The following NNT variants were observed in gnomAD, a reference collection of about 807,000 sequenced individuals.
NNT encodes NAD(P) transhydrogenase, mitochondrial.
A neutral mutation model predicts 104.8 loss-of-function variants in NNT; 50 were observed. That is an observed-to-expected ratio of 0.48 (90% confidence interval 0.38 to 0.60). NNT has a LOEUF of 0.60. Ranked by LOEUF, NNT falls within the 20% of genes least tolerant of loss-of-function variation. NNT has a pLI of 0.00. For synonymous variants in NNT, 461 were observed against 490.4 expected (o/e 0.94, Z 0.79); for missense variants, 1,131 against 1,330.7 (o/e 0.85, Z 2.33).
rs1178986143 is a variant in NNT at position 43,704,718 on chromosome 5, A to G, written c.*314A>G. 4.2e-6 allele frequency: 1 copy of G among 236,194 alleles called. No individual in the cohort carries two copies. The highest frequency in any genetic ancestry group is 8.3e-6 in the Non-Finnish European group (1 of 121,164). The allele number at this position is 236,194 out of a possible 1,614,324, so 14.6% of individuals were successfully genotyped here. A position where few individuals can be genotyped will look rare whatever the true frequency, so the allele number is the denominator to read the frequency against. On this transcript the variant is annotated 3_prime_UTR_variant, in exon 22 of 22. Coordinates refer to ENST00000344920, the MANE Select transcript of NNT (RefSeq NM_182977.3). ...CCTGTTGGATTTTTTATGCCTCCTC[A>G]GTAACCAGAAATGTTTTAAAAAACT...
At chr5:43,652,975 C>A in intron 13 of NNT, 43 bp from the exon 14 acceptor site, 1 of 1,510,936 alleles carries the variant, frequency 6.6e-7, no homozygotes, top group Non-Finnish European at 9.1e-7. Flanking sequence ...AGCTAATAGA[C>A]CAAAGGTTTT....
At chr5:43,658,076 A>C (rs1456568502) in intron 16 of NNT, among the ~76,000 whole-genome samples, 1 of 152,150 alleles carries the variant, frequency 6.6e-6, no homozygotes, top group Non-Finnish European at 1.5e-5. Context: ...CGGAGGTTGC[A>C]GTGAGCCGAG....
chr5:43,702,817 A>G lies in NNT; in HGVS notation c.3111+81A>G, dbSNP rs1742927632. 5 of 998,758 alleles carry G rather than the reference A, an allele frequency of 5.0e-6. No individual in the cohort carries two copies. The Admixed American group carries it at 7.0e-5, about 14-fold the overall frequency. 61.9% of individuals were successfully genotyped at this position (998,758 alleles called of 1,614,324 possible). A position where few individuals can be genotyped will look rare whatever the true frequency, so the allele number is the denominator to read the frequency against. On this transcript the variant is annotated intron_variant, in intron 21 of 21. Transcript: ENST00000344920. Reference sequence around the variant, plus strand: ...ACACAGAACTTTCTTTGATCATTTGATAAGAAATGATGATGCCTTCTAGGA... The same window carrying G: ...ACACAGAACTTTCTTTGATCATTTGGTAAGAAATGATGATGCCTTCTAGGA...
intron 20 of NNT, among the ~76,000 whole-genome samples, chr5:43,702,356 T>A (rs1304448086): frequency 6.6e-6 from 1 of 152,104 alleles, no homozygotes; most frequent in Non-Finnish European, 1.5e-5. Context: ...TTAGGTAGAT[T>A]TATTGAGAAG....
chr5:43,650,643 A>G, intron 12 of NNT, 56 bp downstream of exon 12: 3 of 1,258,604 alleles, frequency 2.4e-6, no homozygotes, highest in Non-Finnish European at 3.5e-6. Flanking sequence ...TACAAAGCAA[A>G]TATAAATCCA....
At chr5:43,677,661 G>A in intron 18 of NNT, 64 bp from the exon 19 acceptor site, 1 of 1,399,972 alleles carries the variant, frequency 7.1e-7, no homozygotes, top group Non-Finnish European at 1.0e-6. Context: ...CAAGAGAGAA[G>A]TTGTACTTCA....
At chr5:43,682,715 G>T (rs1741789024) in intron 19 of NNT, among the ~76,000 whole-genome samples, 1 of 152,122 alleles carries the variant, frequency 6.6e-6, no homozygotes, top group Non-Finnish European at 1.5e-5. Context: ...ACATTATTTA[G>T]CAGTTTCATG....
rs1179524170 is a variant in NNT at position 43,650,465 on chromosome 5, C to T, written c.1607-12C>T. 3 of 1,601,466 alleles carry T rather than the reference C, an allele frequency of 1.9e-6. No homozygotes were observed. Among genetic ancestry groups the T allele is most frequent in the Non-Finnish European group, 2.6e-6 (3 of 1,168,658 alleles). On this transcript the variant is annotated splice_polypyrimidine_tract_variant and intron_variant, in intron 11 of 21. Transcript: ENST00000344920. ...ACTATCACTATTAACCATGTTAATG[C>T]TTTCTTTCTAGGGCTGACTGCAGTT...
intron 12 of NNT, 69 bp downstream of exon 12, chr5:43,650,656 T>TA: frequency 8.5e-7 from 1 of 1,170,526 alleles, no homozygotes; most frequent in Non-Finnish European, 1.3e-6. Context: ...TAAATCCATA[T>TA]AAAATAGACA....
At chr5:43,636,512 C>T (rs188935371) in intron 7 of NNT, among the ~76,000 whole-genome samples, 66 of 152,200 alleles carry the variant, frequency 4.3e-4, no homozygotes, top group African/African-American at 1.3e-3. Flanking sequence ...AGTTGAAAGA[C>T]GTGAGAAAGA....
chr5:43,658,243 T>C (rs1304078709), intron 16 of NNT, among the ~76,000 whole-genome samples: 1 of 152,246 alleles, frequency 6.6e-6, no homozygotes, highest in African/African-American at 2.4e-5. Context: ...TATGAGAATG[T>C]CTGACTAAGA....
intron 17 of NNT, among the ~76,000 whole-genome samples, chr5:43,663,370 T>G (rs1740472818): frequency 6.6e-6 from 1 of 152,192 alleles, no homozygotes; most frequent in South Asian, 2.1e-4. Flanking sequence ...AGCTCTTACT[T>G]GTGATGTGCA....
chr5:43,646,963 T>C (rs141815417), intron 10 of NNT, among the ~76,000 whole-genome samples: 2 of 152,334 alleles, frequency 1.3e-5, no homozygotes, highest in African/African-American at 4.8e-5. Context: ...GAGGCTGAAA[T>C]ACGGATATTT....
intron 19 of NNT, among the ~76,000 whole-genome samples, chr5:43,697,272 C>A (rs568500369): frequency 6.6e-6 from 1 of 152,244 alleles, no homozygotes; most frequent in East Asian, 1.9e-4. Context: ...GGTAAAATGC[C>A]GTCATTCTCT....
chr5:43,637,031 G>A (rs1220541290), intron 7 of NNT, among the ~76,000 whole-genome samples: 1 of 152,106 alleles, frequency 6.6e-6, no homozygotes, highest in South Asian at 2.1e-4. Flanking sequence ...CTATTTGCCA[G>A]CCTGACTTTC....
chr5:43,607,174 C>G (rs1749269060), intron 1 of NNT, among the ~76,000 whole-genome samples: 1 of 151,916 alleles, frequency 6.6e-6, no homozygotes, highest in African/African-American at 2.4e-5. Flanking sequence ...TGTCAGGACT[C>G]TGAGCCCAAG....
intron 19 of NNT, among the ~76,000 whole-genome samples, chr5:43,679,708 G>A (rs16873455): frequency 0.034 from 5,139 of 152,216 alleles, 136 homozygotes; most frequent in East Asian, 0.12. Context: ...TGCTTGGGAA[G>A]AGTAATTATT....
intron 17 of NNT, among the ~76,000 whole-genome samples, chr5:43,668,373 G>T (rs1245598318): frequency 1.3e-5 from 2 of 152,082 alleles, no homozygotes; most frequent in East Asian, 3.9e-4. Context: ...GTCCTGAATG[G>T]TATTGCCTAG....
Position 43,649,029 on chromosome 5 carries a change from C to T in NNT, c.1445-118C>T, listed in dbSNP as rs981888385. 8 of 1,170,168 alleles carry T rather than the reference C, an allele frequency of 6.8e-6. No individual in the cohort carries two copies. In the Admixed American group the frequency reaches 1.6e-4, roughly 23 times the overall value. 72.5% of individuals were successfully genotyped at this position (1,170,168 alleles called of 1,614,324 possible). On this transcript the variant is annotated intron_variant, in intron 10 of 21. Transcript: ENST00000344920. Reference sequence around the variant, plus strand: ...AAATGTCTAAAAAATCTGCTCATTACTGGCAAGGGAGTGGAATTTAAAAGC... The same window carrying T: ...AAATGTCTAAAAAATCTGCTCATTATTGGCAAGGGAGTGGAATTTAAAAGC...
Sources: gnomAD v4.1 joint callset for allele counts (sites outside exome capture counted in the v4.1 genomes callset) on GRCh38, gnomAD v4.1.1 for gene constraint, MANE v1.5 for transcripts, NCBI Gene and HGNC (gene_info 2026-07-23, HGNC 2026-07-21) for gene names.